ADGRL2: variants seen among roughly 807,000 people sequenced by gnomAD.
The protein encoded by ADGRL2 is adhesion G protein-coupled receptor L2, also known as calcium-independent alpha-latrotoxin receptor 2.
In ADGRL2, 44 loss-of-function variants were observed where a neutral mutation model predicts 157.4. The ratio of observed to expected loss-of-function variants is 0.28; its 90% CI spans 0.22 to 0.36. The LOEUF is 0.36. ADGRL2 is among the 10% of genes least tolerant of loss of function. The probability of loss-of-function intolerance (pLI) is 1.00; values close to 1 mark genes in which losing one functional copy is unlikely to be tolerated. For missense variants in ADGRL2, 1,510 were observed against 1,768.9 expected (o/e 0.85, Z 2.63); for synonymous variants, 585 against 624.7 (o/e 0.94, Z 0.95).
intron 2 of ADGRL2, among the ~76,000 whole-genome samples, chr1:81,894,959 G>A (rs1435235700): frequency 6.6e-6 from 1 of 152,132 alleles, no homozygotes; most frequent in Non-Finnish European, 1.5e-5. Context: ...TGAATTATTA[G>A]CATGGGTAAT....
intron 3 of ADGRL2, among the ~76,000 whole-genome samples, chr1:81,645,328 G>A (rs2082292202): frequency 6.9e-6 from 1 of 144,816 alleles, no homozygotes; most frequent in African/African-American, 2.6e-5. Context: ...GGAGTTGGAG[G>A]TTACAGAGAG....
At chr1:81,778,988 T>C (rs1029160295) in intron 2 of ADGRL2, among the ~76,000 whole-genome samples, 2 of 152,214 alleles carry the variant, frequency 1.3e-5, no homozygotes, top group African/African-American at 4.8e-5. Context: ...TAGTATATAC[T>C]TTATATCCTT....
chr1:81,849,668 T>C (rs551486599), intron 2 of ADGRL2, among the ~76,000 whole-genome samples: 1 of 152,016 alleles, frequency 6.6e-6, no homozygotes, highest in African/African-American at 2.4e-5. Context: ...ATTTTGGTCT[T>C]TTAGGACGAT....
At chr1:81,860,000 G>A (rs561072986) in intron 2 of ADGRL2, among the ~76,000 whole-genome samples, 62 of 151,826 alleles carry the variant, frequency 4.1e-4, no homozygotes, top group Admixed American at 2.0e-3. Context: ...CGAGGCGGGC[G>A]AATCACAAGG....
chr1:81,789,034 T>A (rs1248631490), intron 2 of ADGRL2, among the ~76,000 whole-genome samples: 2 of 152,158 alleles, frequency 1.3e-5, no homozygotes, highest in Non-Finnish European at 2.9e-5. Flanking sequence ...CATAATTTTA[T>A]GGAAATCTCC....
intron 3 of ADGRL2, among the ~76,000 whole-genome samples, chr1:81,651,869 C>T (rs960695198): frequency 2.0e-5 from 3 of 152,022 alleles, no homozygotes; most frequent in Non-Finnish European, 2.9e-5. Context: ...TAGAGGCACA[C>T]GCCACTGCAC....
intron 2 of ADGRL2, among the ~76,000 whole-genome samples, chr1:81,868,060 G>GGTGTGTGTGTGTGTGTGTGGGT (rs2093594375): frequency 6.9e-6 from 1 of 145,560 alleles, no homozygotes; most frequent in Non-Finnish European, 1.5e-5. Flanking sequence ...GTGTGTGTGT[G>GGTGTGTGTGTGTGTGTGTGGGT]GTGTGTGTGT....
intron 1 of ADGRL2, among the ~76,000 whole-genome samples, chr1:81,354,459 T>G (rs1663132989): frequency 6.6e-6 from 1 of 152,224 alleles, no homozygotes; most frequent in Non-Finnish European, 1.5e-5. Flanking sequence ...AGATTAGTTT[T>G]TCAATAAGCA....
Position 81,581,850 on chromosome 1 carries a change from C to A in ADGRL2, c.-143+870C>A, listed in dbSNP as rs2080916571. Among the ~76,000 whole-genome samples the A allele has an allele frequency of 2.1e-5, 3 of 143,944 alleles. No homozygotes were observed. In the Admixed American group the frequency reaches 2.2e-4, roughly 11 times the overall value. The allele number at this position is 143,944 out of a possible 152,430, so 94.4% of individuals were successfully genotyped here. ...TTTTCCAATCAAATACGGTATTTAACCTCCCACCACCACACACATGCGCGC... is the reference window on the plus strand; with the variant it reads ...TTTTCCAATCAAATACGGTATTTAAACTCCCACCACCACACACATGCGCGC... On this transcript the variant is annotated intron_variant, in intron 3 of 24. Coordinates refer to the ADGRL2 transcript ENST00000370721.
At chr1:81,913,995 T>TACACACACAC (rs150093627) in intron 3 of ADGRL2, among the ~76,000 whole-genome samples, 1 of 147,696 alleles carries the variant, frequency 6.8e-6, no homozygotes, top group South Asian at 2.1e-4. Context: ...AATGCACACA[T>TACACACACAC]ACACACACAC....
At chr1:81,761,150 T>G (rs1466187300) in intron 1 of ADGRL2, among the ~76,000 whole-genome samples, 1 of 151,900 alleles carries the variant, frequency 6.6e-6, no homozygotes, top group Non-Finnish European at 1.5e-5. Context: ...TTAGCTAGTT[T>G]TCATTTACAG....
intron 1 of ADGRL2, chr1:81,426,528 G>A (rs769001591): frequency 1.6e-5 from 7 of 424,810 alleles, no homozygotes; most frequent in Admixed American, 5.3e-5. Flanking sequence ...GGGAGCAGAG[G>A]ATCATGATCC....
chr1:81,981,743 A>T, intron 18 of ADGRL2, 65 bp from the exon 19 acceptor site: 1 of 1,289,094 alleles, frequency 7.8e-7, no homozygotes. Flanking sequence ...ATATGTTAAC[A>T]TTTAAGCGTG....
intron 1 of ADGRL2, among the ~76,000 whole-genome samples, chr1:81,747,142 C>CGT (rs2085310608): frequency 7.4e-6 from 1 of 135,282 alleles, no homozygotes; most frequent in Non-Finnish European, 1.5e-5. Context: ...TATATGTATA[C>CGT]ATATATACGT....
intron 1 of ADGRL2, among the ~76,000 whole-genome samples, chr1:81,325,809 A>T (rs1213158314): frequency 6.6e-6 from 1 of 152,150 alleles, no homozygotes; most frequent in East Asian, 1.9e-4. Context: ...ATGATATTCA[A>T]CTCAGTTGTC....
chr1:81,870,747 G>T lies in ADGRL2; in HGVS notation c.73+33690G>T, dbSNP rs767609942. ...TTACCTGTATTTTATTCATTTATGT[G>T]TTAGCATAGTTAAAACAACCAAAAA... On this transcript the variant is annotated intron_variant, in intron 2 of 23. Coordinates refer to ENST00000686636, the MANE Select transcript of ADGRL2 (RefSeq NM_001366006.2). Among the ~76,000 whole-genome samples, 111 of 152,116 alleles carry T rather than the reference G, an allele frequency of 7.3e-4. 1 individual carries two copies. The Middle Eastern group carries it at 0.017, about 23-fold the overall frequency.
At chr1:81,981,192 C>G (rs774034289) in intron 18 of ADGRL2, 1 of 315,334 alleles carries the variant, frequency 3.2e-6, no homozygotes, top group Non-Finnish European at 6.7e-6. Flanking sequence ...GACTTTAAAT[C>G]CTTCTCATTC....
chr1:81,660,881 A>C (rs979075253), intron 3 of ADGRL2, among the ~76,000 whole-genome samples: 5 of 152,242 alleles, frequency 3.3e-5, no homozygotes, highest in South Asian at 2.1e-4. Context: ...CTTGCAAGGC[A>C]TACAATCTAA....
chr1:81,974,480 G>A (rs187074245), intron 17 of ADGRL2, among the ~76,000 whole-genome samples: 84 of 152,296 alleles, frequency 5.5e-4, no homozygotes, highest in Middle Eastern at 6.8e-3. Context: ...GCTAGTCCCA[G>A]GGAGAAATAG....
Sources: gnomAD v4.1 joint callset for allele counts (sites outside exome capture counted in the v4.1 genomes callset) on GRCh38, gnomAD v4.1.1 for gene constraint, MANE v1.5 for transcripts, NCBI Gene and HGNC (gene_info 2026-07-23, HGNC 2026-07-21) for gene names.